ODF2L: variants seen among roughly 807,000 people sequenced by gnomAD.
ODF2L encodes outer dense fiber of sperm tails 2 like.
A neutral mutation model predicts 86.3 loss-of-function variants in ODF2L; 76 were observed. That is an observed-to-expected ratio of 0.88 (90% CI 0.73 to 1.07). ODF2L has a LOEUF of 1.07. Among genes scored for constraint, ODF2L ranks in the 50% least tolerant of loss-of-function variants. ODF2L has a pLI of 0.00. For synonymous variants in ODF2L, 241 were observed against 231.3 expected, an observed-to-expected ratio of 1.04 and a Z score of -0.38; for missense variants, 748 against 717.4, an observed-to-expected ratio of 1.04 and a Z score of -0.49.
chr1:86,364,415 G>T (rs1213804371), intron 11 of ODF2L, among the ~76,000 whole-genome samples: 3 of 152,170 alleles, frequency 2.0e-5, no homozygotes, highest in Non-Finnish European at 2.9e-5. Context: ...GGAAAGGTAG[G>T]ATTTAGATAC....
chr1:86,365,476 T>C (rs1487069102), intron 11 of ODF2L, among the ~76,000 whole-genome samples: 1 of 152,184 alleles, frequency 6.6e-6, no homozygotes, highest in Non-Finnish European at 1.5e-5. Flanking sequence ...AATGAAATTC[T>C]ACCTGCAAAA....
At chr1:86,363,344 A>T (rs906014243) in intron 11 of ODF2L, among the ~76,000 whole-genome samples, 3 of 152,200 alleles carry the variant, frequency 2.0e-5, no homozygotes, top group African/African-American at 7.2e-5. Context: ...CTAGGTCTAG[A>T]TTAGAGGTAT....
chr1:86,359,358 T>A (rs1392349129), intron 12 of ODF2L, among the ~76,000 whole-genome samples: 1 of 151,916 alleles, frequency 6.6e-6, no homozygotes, highest in Non-Finnish European at 1.5e-5. Flanking sequence ...GAATAACAAG[T>A]CCCACAGTCC....
intron 1 of ODF2L, among the ~76,000 whole-genome samples, chr1:86,387,550 A>C (rs1661039706): frequency 6.6e-6 from 1 of 152,212 alleles, no homozygotes; most frequent in Admixed American, 6.5e-5. Flanking sequence ...CTCAATTGCA[A>C]GTAGACTTTT....
intron 7 of ODF2L, among the ~76,000 whole-genome samples, chr1:86,380,270 G>A (rs114030321): frequency 0.014 from 2,080 of 152,176 alleles, 22 homozygotes; most frequent in Middle Eastern, 0.037. Flanking sequence ...TATATATTAA[G>A]ATTTAGATTT....
At chr1:86,390,208 G>A (rs1021152556) in intron 1 of ODF2L, among the ~76,000 whole-genome samples, 1 of 152,168 alleles carries the variant, frequency 6.6e-6, no homozygotes, top group Non-Finnish European at 1.5e-5. Context: ...GGATCGTGAG[G>A]TCAGGAGTTC....
At chr1:86,365,942 A>G (rs1175019571) in intron 11 of ODF2L, among the ~76,000 whole-genome samples, 2 of 152,216 alleles carry the variant, frequency 1.3e-5, no homozygotes, top group African/African-American at 4.8e-5. Flanking sequence ...CCCAAAAAAC[A>G]AAGATAAGAA....
intron 7 of ODF2L, among the ~76,000 whole-genome samples, chr1:86,379,168 C>T (rs1660395003): frequency 6.6e-6 from 1 of 152,126 alleles, no homozygotes; most frequent in Admixed American, 6.5e-5. Flanking sequence ...ATGCCAGAAT[C>T]ATGCTTCCTA....
At chr1:86,386,533 ACG>A in intron 2 of ODF2L, 1 of 162,302 alleles carries the variant, frequency 6.2e-6, no homozygotes, top group East Asian at 1.6e-4. Context: ...CAACAGGCAC[ACG>A]CTACCACATC....
downstream of ODF2L, chr1:86,348,568 C>A (rs1570330231): frequency 9.7e-6 from 4 of 413,972 alleles, no homozygotes; most frequent in East Asian, 2.4e-4. Flanking sequence ...GGAATAGTAA[C>A]AACTATCCTA....
intron 11 of ODF2L, among the ~76,000 whole-genome samples, chr1:86,365,640 A>G (rs1411951496): frequency 2.0e-5 from 3 of 152,202 alleles, no homozygotes; most frequent in Non-Finnish European, 4.4e-5. Flanking sequence ...AAGGAAAAAG[A>G]ATGTTTGTAA....
At chr1:86,382,496 C>T (rs1660657002) in intron 6 of ODF2L, 138 bp from the exon 7 acceptor site, 3 of 1,391,110 alleles carry the variant, frequency 2.2e-6, no homozygotes, top group Non-Finnish European at 2.9e-6. Context: ...ACATAAACTG[C>T]CGCCCCTATT....
intron 7 of ODF2L, among the ~76,000 whole-genome samples, chr1:86,378,996 T>TGAGG (rs1204556278): frequency 6.6e-6 from 1 of 152,106 alleles, no homozygotes; most frequent in Non-Finnish European, 1.5e-5. Context: ...GCTGTTCTCC[T>TGAGG]GATAGTGAGT....
intron 12 of ODF2L, 70 bp downstream of exon 11, chr1:86,360,356 G>A (rs1481104162): frequency 2.9e-6 from 2 of 701,728 alleles, no homozygotes; most frequent in Non-Finnish European, 5.0e-6. Flanking sequence ...TATTTATTTA[G>A]ATTACAAAGA....
rs1389259750 is a variant in ODF2L, at chr1:86,382,227, A to G, written c.624+15T>C. ...TCACTTAAGCTATAAAAATGGATAT[A>G]TATTTATATATAACCTTTACATATT... On this transcript the variant is annotated intron_variant, in intron 7 of 17. Coordinates refer to ENST00000317336, the Ensembl canonical transcript of ODF2L. 1 of 1,569,914 alleles carries G rather than the reference A, an allele frequency of 6.4e-7. No individual in the cohort carries two copies. The highest frequency in any genetic ancestry group is 8.6e-7 in the Non-Finnish European group (1 of 1,162,896).
At chr1:86,359,022 T>C in intron 12 of ODF2L, 131 bp from the exon 12 acceptor site, 1 of 500,604 alleles carries the variant, frequency 2.0e-6, no homozygotes, top group Non-Finnish European at 3.5e-6. Context: ...TCATCTAATG[T>C]TATTACTTCT....
intron 14 of ODF2L, 31 bp from the exon 14 acceptor site, chr1:86,354,890 T>A: frequency 8.2e-7 from 1 of 1,221,846 alleles, no homozygotes; most frequent in Non-Finnish European, 1.2e-6. Context: ...TTCTTAGTCA[T>A]TTTCTTCACA....
At chr1:86,391,988 C>T (rs1661363532) in intron 1 of ODF2L, among the ~76,000 whole-genome samples, 1 of 152,012 alleles carries the variant, frequency 6.6e-6, no homozygotes, top group South Asian at 2.1e-4. Context: ...ACAATGAACT[C>T]AAATTAGCAA....
chr1:86,389,998 C>A (rs1661206862), intron 1 of ODF2L, among the ~76,000 whole-genome samples: 1 of 152,170 alleles, frequency 6.6e-6, no homozygotes, highest in African/African-American at 2.4e-5. Context: ...CACTACTCCA[C>A]AAGATACAGA....
Sources: gnomAD v4.1 joint callset for allele counts (sites outside exome capture counted in the v4.1 genomes callset) on GRCh38, gnomAD v4.1.1 for gene constraint, MANE v1.5 for transcripts, NCBI Gene and HGNC (gene_info 2026-07-23, HGNC 2026-07-21) for gene names.